The following PAPPA2 variants were observed in gnomAD, a reference collection of about 807,000 sequenced individuals.
PAPPA2 encodes the protein pappalysin 2.
In PAPPA2, 86 loss-of-function variants were observed where a neutral mutation model predicts 176.4. That is an observed-to-expected ratio of 0.49 (90% CI 0.41 to 0.58). PAPPA2 has a LOEUF of 0.58. Ranked by LOEUF, PAPPA2 falls within the 20% of genes least tolerant of loss-of-function variation. The pLI, the probability that PAPPA2 is intolerant of heterozygous loss-of-function variation, is 0.00. For missense variants in PAPPA2, 2,073 were observed against 2,256.9 expected (o/e 0.92, Z 1.65); for synonymous variants, 809 against 852.2 (o/e 0.95, Z 0.88).
chr1:176,828,925 C>G (rs1028126328), intron 21 of PAPPA2, among the ~76,000 whole-genome samples: 1 of 151,996 alleles, frequency 6.6e-6, no homozygotes, highest in Non-Finnish European at 1.5e-5. Context: ...ATCTTTTGAA[C>G]CCAGGAGATG....
At chr1:176,698,287 G>A (rs1660476958) in intron 7 of PAPPA2, among the ~76,000 whole-genome samples, 1 of 152,154 alleles carries the variant, frequency 6.6e-6, no homozygotes, top group South Asian at 2.1e-4. Context: ...TTTTGTAAAA[G>A]AGGAAACTGA....
At chr1:176,577,143 G>C (rs1652695549) in intron 2 of PAPPA2, among the ~76,000 whole-genome samples, 1 of 152,110 alleles carries the variant, frequency 6.6e-6, no homozygotes, top group African/African-American at 2.4e-5. Flanking sequence ...TATTGATACT[G>C]TGCCAGGAAC....
intron 21 of PAPPA2, among the ~76,000 whole-genome samples, chr1:176,835,835 T>G (rs1394348017): frequency 6.6e-6 from 1 of 152,182 alleles, no homozygotes; most frequent in Non-Finnish European, 1.5e-5. Flanking sequence ...ATCTTTTTGA[T>G]AAGCAACTAG....
At chr1:176,763,879 T>C (rs1663809045) in intron 14 of PAPPA2, among the ~76,000 whole-genome samples, 1 of 152,338 alleles carries the variant, frequency 6.6e-6, no homozygotes, top group Non-Finnish European at 1.5e-5. Flanking sequence ...TGTGTTGCTA[T>C]AACTGAATGC....
intron 1 of PAPPA2, among the ~76,000 whole-genome samples, chr1:176,542,677 T>C (rs1650424654): frequency 6.6e-6 from 1 of 152,188 alleles, no homozygotes. Context: ...GGAGGACATC[T>C]GACAAGCTTA....
At chr1:176,620,734 A>G (rs1166495750) in intron 3 of PAPPA2, among the ~76,000 whole-genome samples, 1 of 152,218 alleles carries the variant, frequency 6.6e-6, no homozygotes, top group African/African-American at 2.4e-5. Flanking sequence ...GTTGCTGAAT[A>G]ATGAAAAATT....
chr1:176,812,167 C>T (rs1666176979), intron 21 of PAPPA2, among the ~76,000 whole-genome samples: 1 of 151,576 alleles, frequency 6.6e-6, no homozygotes, highest in Non-Finnish European at 1.5e-5. Flanking sequence ...TCCCTTTTTC[C>T]TCCCACTCCA....
At chr1:176,809,294 A>T (rs1183722197) in intron 21 of PAPPA2, among the ~76,000 whole-genome samples, 1 of 152,180 alleles carries the variant, frequency 6.6e-6, no homozygotes, top group Non-Finnish European at 1.5e-5. Context: ...TGTAGGAAGG[A>T]GTTGGGAGTA....
At chr1:176,840,080 G>A (rs1667427169) in intron 21 of PAPPA2, 93 bp from the exon 22 acceptor site, 1 of 997,120 alleles carries the variant, frequency 1.0e-6, no homozygotes, top group Admixed American at 1.8e-5. Flanking sequence ...TATCTCTGGA[G>A]CTGTATGGAT....
At chr1:176,582,643 C>A (rs1653058739) in intron 2 of PAPPA2, among the ~76,000 whole-genome samples, 1 of 151,538 alleles carries the variant, frequency 6.6e-6, no homozygotes, top group African/African-American at 2.4e-5. Context: ...TTTTTATGTG[C>A]TGTTAGATTT....
intron 3 of PAPPA2, among the ~76,000 whole-genome samples, chr1:176,654,237 TGATA>T (rs1657902369): frequency 6.6e-6 from 1 of 151,646 alleles, no homozygotes; most frequent in Non-Finnish European, 1.5e-5. Flanking sequence ...TTGTATATGA[TGATA>T]GATAGGGGTC....
At chr1:176,816,231 GTGTGTGTGTGTATATATATATATATGTA>G (rs1666391115) in intron 21 of PAPPA2, among the ~76,000 whole-genome samples, 1 of 54,742 alleles carries the variant, frequency 1.8e-5, no homozygotes, top group South Asian at 5.0e-4. Context: ...AAATTTATGT[GTGTGTGTGTGTATATATATATATATGTA>G]TGTATGTACA....
chr1:176,575,965 G>C (rs1041343770), intron 2 of PAPPA2, among the ~76,000 whole-genome samples: 3 of 152,104 alleles, frequency 2.0e-5, no homozygotes, highest in Non-Finnish European at 4.4e-5. Context: ...ATTCTTCTCA[G>C]GTGTGATTTT....
chr1:176,735,505 C>A (rs759076321), intron 12 of PAPPA2, among the ~76,000 whole-genome samples: 26 of 152,028 alleles, frequency 1.7e-4, no homozygotes, highest in Non-Finnish European at 3.1e-4. Context: ...TGTGTCTGTG[C>A]CCAGCAGGCA....
At chr1:176,774,624 G>A (rs1471127221) in intron 17 of PAPPA2, among the ~76,000 whole-genome samples, 1 of 151,972 alleles carries the variant, frequency 6.6e-6, no homozygotes, top group Non-Finnish European at 1.5e-5. Context: ...TTTCACCTCT[G>A]AACTGATCTT....
Position 176,781,100 on chromosome 1 carries a change from A to T in PAPPA2, c.4716-8709A>T, listed in dbSNP as rs1557867183. Among the ~76,000 whole-genome samples the T allele has an allele frequency of 3.9e-5, 6 of 152,282 alleles. No individual in the cohort carries two copies. In the South Asian group the frequency reaches 1.2e-3, roughly 32 times the overall value. ...AGCTGTTGAACTTGATGTGAGAGAG[A>T]CGAGGAAAGGAGATGTAGATGATTA... On this transcript the variant is annotated intron_variant, in intron 17 of 22. Transcript: ENST00000367662.
intron 1 of PAPPA2, among the ~76,000 whole-genome samples, chr1:176,472,429 A>T (rs535437679): frequency 6.6e-6 from 1 of 152,172 alleles, no homozygotes; most frequent in Non-Finnish European, 1.5e-5. Context: ...ACATGATCCT[A>T]GTAGTCTTTA....
At chr1:176,807,549 G>A (rs1665958515) in intron 21 of PAPPA2, among the ~76,000 whole-genome samples, 1 of 148,912 alleles carries the variant, frequency 6.7e-6, no homozygotes, top group Admixed American at 6.7e-5. Flanking sequence ...AGGCTGGAGT[G>A]CAGTGGTGCG....
chr1:176,671,016 A>G lies in PAPPA2; in HGVS notation c.2038A>G (p.Ser680Gly), dbSNP rs1658964250. Residue 680 changes from serine to glycine, a missense_variant, in exon 4 of 23, where the codon AGT becomes GGT. By Grantham distance (56) the Ser-to-Gly change is moderately conservative. This residue lies in a region of PAPPA2 where 1,196 missense variants were observed against 1,330.4 expected (regional missense o/e 0.90). Transcript: ENST00000367662. The part of the protein sequence containing the change: ...KELKEALQLN[S>G]THFLNIYFAS... Reference sequence around the variant, plus strand: ...GCTGAAGGAGGCCCTGCAGCTGAACAGTACTCACTTCCTCAACATCTACTT... The same window carrying G: ...GCTGAAGGAGGCCCTGCAGCTGAACGGTACTCACTTCCTCAACATCTACTT... 6.2e-7 allele frequency: 1 copy of G among 1,613,870 alleles called. No individual in the cohort carries two copies. Among genetic ancestry groups the G allele is most frequent in the African/African-American group, 1.3e-5 (1 of 74,932 alleles).
Sources: allele counts gnomAD v4.1 joint callset (sites outside exome capture counted in the v4.1 genomes callset), GRCh38; gene constraint gnomAD v4.1.1; regional missense constraint gnomAD v4.1.1; transcripts MANE v1.5; gene names NCBI Gene and HGNC (gene_info 2026-07-23, HGNC 2026-07-21).